Variants in PCDH15 observed in about 807,000 individuals in gnomAD.
The protein encoded by PCDH15 is protocadherin related 15, also known as protocadherin-15.
In PCDH15, 129 loss-of-function variants were observed where a neutral mutation model predicts 178.5. The ratio of observed to expected loss-of-function variants is 0.72; its 90% CI spans 0.63 to 0.84. The LOEUF (loss-of-function observed/expected upper bound fraction) is 0.84, where lower values mean the gene tolerates loss of function less well. Ranked by LOEUF, PCDH15 falls within the 40% of genes least tolerant of loss-of-function variation. The pLI, the probability that PCDH15 is intolerant of heterozygous loss-of-function variation, is 0.00. For missense variants in PCDH15, 2,230 were observed against 2,099.9 expected (o/e 1.06, Z -1.21); for synonymous variants, 800 against 732.0 (o/e 1.09, Z -1.50).
intron 3 of PCDH15, among the ~76,000 whole-genome samples, chr10:54,405,314 C>T (rs141560501): frequency 7.0e-4 from 106 of 151,998 alleles, no homozygotes; most frequent in African/African-American, 2.2e-3. Context: ...ACTTGGAATG[C>T]GGTACATTCC....
rs182637377 is a variant in PCDH15, at chr10:53,927,856, C to A, written c.3373+10959G>T. Among the ~76,000 whole-genome samples, 32 of 152,122 alleles carry A rather than the reference C, an allele frequency of 2.1e-4. No individual in the cohort carries two copies. The East Asian group carries it at 6.2e-3, about 29-fold the overall frequency. On this transcript the variant is annotated intron_variant, in intron 25 of 37. Transcript: ENST00000644397. Reference sequence around the variant, plus strand: ...TACATCTTTTTATTTGAGGAGAACTCACAGGCCAGATGTATTTGTTCTTGT... The same window carrying A: ...TACATCTTTTTATTTGAGGAGAACTAACAGGCCAGATGTATTTGTTCTTGT...
intron 2 of PCDH15, among the ~76,000 whole-genome samples, chr10:55,618,677 G>A (rs939336537): frequency 3.3e-5 from 5 of 151,932 alleles, no homozygotes; most frequent in Admixed American, 6.6e-5. Context: ...TGGTATTAGC[G>A]GTGAAGAAAC....
intron 1 of PCDH15, among the ~76,000 whole-genome samples, chr10:55,310,957 G>A (rs112980676): frequency 0.06 from 9,073 of 152,102 alleles, 395 homozygotes; most frequent in Non-Finnish European, 0.086. Flanking sequence ...AAATCACCAT[G>A]GCATGTGTAT....
At chr10:55,557,224 TAA>T (rs1842108655) in intron 2 of PCDH15, among the ~76,000 whole-genome samples, 1 of 152,192 alleles carries the variant, frequency 6.6e-6, no homozygotes, top group Non-Finnish European at 1.5e-5. Context: ...CTGAAACATT[TAA>T]GTTTATTGAG....
chr10:53,833,318 C>A (rs2077120692), intron 29 of PCDH15, among the ~76,000 whole-genome samples: 2 of 152,032 alleles, frequency 1.3e-5, no homozygotes, highest in Non-Finnish European at 2.9e-5. Context: ...ACTGCAAGAG[C>A]CCTATTACTT....
At chr10:54,190,199 C>T (rs1376814942) in intron 11 of PCDH15, among the ~76,000 whole-genome samples, 1 of 152,032 alleles carries the variant, frequency 6.6e-6, no homozygotes, top group Non-Finnish European at 1.5e-5. Flanking sequence ...CAAACTTGTC[C>T]CCTTCTTGGC....
intron 1 of PCDH15, among the ~76,000 whole-genome samples, chr10:54,789,540 T>C (rs932115167): frequency 6.6e-6 from 1 of 151,930 alleles, no homozygotes; most frequent in Non-Finnish European, 1.5e-5. Flanking sequence ...CAAAACCAAA[T>C]ATTTCCTTAG....
chr10:53,959,643 A>G (rs1356067750), intron 23 of PCDH15, 89 bp downstream of exon 23: 10 of 1,006,014 alleles, frequency 9.9e-6, no homozygotes, highest in South Asian at 1.4e-5. Context: ...AAGTCTACTC[A>G]TAAATTCATA....
At chr10:54,479,808 T>C (rs1288920922) in intron 3 of PCDH15, among the ~76,000 whole-genome samples, 2 of 152,082 alleles carry the variant, frequency 1.3e-5, no homozygotes, top group Non-Finnish European at 2.9e-5. Context: ...TATAAACATA[T>C]AGTAAGCATT....
chr10:54,948,656 T>G (rs1838252622), intron 2 of PCDH15, among the ~76,000 whole-genome samples: 1 of 151,902 alleles, frequency 6.6e-6, no homozygotes, highest in African/African-American at 2.4e-5. Context: ...TTACTGGAGC[T>G]GGGACATTCA....
chr10:54,745,092 T>C (rs1047494761), intron 1 of PCDH15, among the ~76,000 whole-genome samples: 8 of 152,128 alleles, frequency 5.3e-5, no homozygotes, highest in African/African-American at 1.7e-4. Flanking sequence ...TAATTACTAC[T>C]TCACAAGAAG....
intron 2 of PCDH15, among the ~76,000 whole-genome samples, chr10:55,336,183 T>G (rs1844388112): frequency 6.8e-6 from 1 of 147,150 alleles, no homozygotes; most frequent in Non-Finnish European, 1.5e-5. Flanking sequence ...CTCTCTGACT[T>G]TCTCCCTTGC....
intron 2 of PCDH15, among the ~76,000 whole-genome samples, chr10:55,491,444 G>T (rs1239267544): frequency 6.6e-6 from 1 of 151,672 alleles, no homozygotes; most frequent in African/African-American, 2.4e-5. Flanking sequence ...TTGCTCTTCA[G>T]ATGGAGGTTT....
chr10:54,365,502 A>T (rs1253016537), intron 5 of PCDH15, among the ~76,000 whole-genome samples: 1 of 152,130 alleles, frequency 6.6e-6, no homozygotes, highest in Admixed American at 6.6e-5. Flanking sequence ...TAAAAACCAG[A>T]CATATATAAG....
chr10:54,911,415 A>G lies in PCDH15; in HGVS notation c.-79-13915T>C, dbSNP rs562556016. The stretch of plus-strand genomic sequence containing the variant: ...GAAAAGTTTAGACATGCTTAGATAT[A>G]CAGGTTCAAAGAATGATAACAGACA... On this transcript the variant is annotated intron_variant, in intron 2 of 5. Transcript: ENST00000458638. Among the ~76,000 whole-genome samples the G allele has an allele frequency of 8.5e-5, 13 of 152,346 alleles. No homozygotes were observed. The East Asian group carries it at 2.3e-3, about 27-fold the overall frequency.
chr10:55,111,896 T>C lies in PCDH15; in HGVS notation c.-80+54680A>G, dbSNP rs540401919. ...ATAAAAAAGTTCTTTTTCAAATTGCTGTTTCACTGTTATCTGTGTTTCACA... is the reference window on the plus strand; with the variant it reads ...ATAAAAAAGTTCTTTTTCAAATTGCCGTTTCACTGTTATCTGTGTTTCACA... On this transcript the variant is annotated intron_variant, in intron 2 of 5. Coordinates refer to the PCDH15 transcript ENST00000458638. 1.6e-3 allele frequency among the ~76,000 whole-genome samples: 237 copies of C among 152,280 alleles called. 1 individual carries two copies. Among genetic ancestry groups the C allele is most frequent in the African/African-American group, 5.6e-3 (234 of 41,576 alleles).
chr10:54,819,296 C>G lies in PCDH15; in HGVS notation c.-29+78154G>C, dbSNP rs142469426. Among the ~76,000 whole-genome samples the G allele has an allele frequency of 7.2e-3, 1,102 of 152,082 alleles. 17 individuals are homozygous for G. Among genetic ancestry groups the G allele is most frequent in the African/African-American group, 0.025 (1,056 of 41,510 alleles). On this transcript the variant is annotated intron_variant, in intron 3 of 5. Transcript: ENST00000458638. ...TGCAAATAATATTTAATTAGTGTAT[C>G]TAATATCTCTTGCTCATATTTGGGG...
At chr10:55,473,247 C>T (rs1036246130) in intron 2 of PCDH15, among the ~76,000 whole-genome samples, 5 of 151,920 alleles carry the variant, frequency 3.3e-5, no homozygotes, top group Admixed American at 3.3e-4. Flanking sequence ...TAATTTTGAC[C>T]TACTACAGCT....
At chr10:55,436,014 ATTT>A (rs891878441) in intron 2 of PCDH15, among the ~76,000 whole-genome samples, 78 of 152,182 alleles carry the variant, frequency 5.1e-4, no homozygotes, top group African/African-American at 1.6e-3. Context: ...AAAGTTCGTC[ATTT>A]TTTAATTTTG....
Sources: allele counts gnomAD v4.1 joint callset (sites outside exome capture counted in the v4.1 genomes callset), GRCh38; gene constraint gnomAD v4.1.1; transcripts MANE v1.5; gene names NCBI Gene and HGNC (gene_info 2026-07-23, HGNC 2026-07-21).